Variants in LRRC37A2 observed in about 807,000 individuals in gnomAD.
The protein encoded by LRRC37A2 is leucine rich repeat containing 37 member A2.
A neutral mutation model predicts 68.8 loss-of-function variants in LRRC37A2; 9 were observed. That is an observed-to-expected ratio of 0.13 (90% CI 0.08 to 0.23). The LOEUF is 0.23. LRRC37A2 is among the 10% of genes least tolerant of loss of function. LRRC37A2 has a pLI of 1.00. For synonymous variants in LRRC37A2, 63 were observed against 367.6 expected (o/e 0.17, Z 9.48); for missense variants, 168 against 950.4 (o/e 0.18, Z 10.82).
chr17:46,919,616 C>T, the LRRC37A2 span, among the ~76,000 whole-genome samples: 1 of 152,130 alleles, frequency 6.6e-6, no homozygotes, highest in Non-Finnish European at 1.5e-5. Flanking sequence ...CAACTACCCG[C>T]AGAATAAAAA....
chr17:46,834,540 C>T, the LRRC37A2 span, among the ~76,000 whole-genome samples: 1 of 152,142 alleles, frequency 6.6e-6, no homozygotes, highest in Non-Finnish European at 1.5e-5. Context: ...GCTGGCTTGC[C>T]CCTGATTTCA....
the LRRC37A2 span, among the ~76,000 whole-genome samples, chr17:46,867,242 C>G: frequency 6.6e-6 from 1 of 152,228 alleles, no homozygotes; most frequent in Non-Finnish European, 1.5e-5. Flanking sequence ...ATGGTAGATG[C>G]TCACTAATGA....
the LRRC37A2 span, among the ~76,000 whole-genome samples, chr17:46,676,492 A>G: frequency 6.9e-6 from 1 of 145,542 alleles, no homozygotes; most frequent in Admixed American, 6.9e-5. Flanking sequence ...TTGGCCTCCC[A>G]AAGTGCTGAG....
the LRRC37A2 span, among the ~76,000 whole-genome samples, chr17:46,850,396 G>A: frequency 1.3e-5 from 2 of 152,090 alleles, no homozygotes; most frequent in Non-Finnish European, 2.9e-5. Context: ...AAGAGGTGGG[G>A]GCTTCCTCTG....
the LRRC37A2 span, chr17:46,939,204 C>G: frequency 1.2e-5 from 13 of 1,079,638 alleles, no homozygotes; most frequent in Admixed American, 4.5e-5. Context: ...GAGGCCTTTT[C>G]TCACAGCCAT....
At chr17:46,951,783 G>T in the LRRC37A2 span, among the ~76,000 whole-genome samples, 10 of 152,210 alleles carry the variant, frequency 6.6e-5, no homozygotes, top group Non-Finnish European at 1.3e-4. Context: ...AGGAAAAATG[G>T]CCCAGGGTGG....
At chr17:46,780,684 G>A in the LRRC37A2 span, among the ~76,000 whole-genome samples, 3 of 152,208 alleles carry the variant, frequency 2.0e-5, no homozygotes, top group Non-Finnish European at 4.4e-5. Context: ...GGCTGAGGCA[G>A]GAGAATGGCA....
chr17:46,389,370 A>G, the LRRC37A2 span, among the ~76,000 whole-genome samples: 1 of 72,088 alleles, frequency 1.4e-5, no homozygotes, highest in Non-Finnish European at 2.7e-5. Context: ...TAAACTAACT[A>G]TATTAGCATC....
the LRRC37A2 span, among the ~76,000 whole-genome samples, chr17:46,731,908 C>G: frequency 6.6e-6 from 1 of 152,170 alleles, no homozygotes; most frequent in Non-Finnish European, 1.5e-5. Context: ...GTCATACCAC[C>G]TTGCTTTTTA....
the LRRC37A2 span, among the ~76,000 whole-genome samples, chr17:46,971,131 A>G: frequency 6.6e-6 from 1 of 152,024 alleles, no homozygotes; most frequent in Non-Finnish European, 1.5e-5. Flanking sequence ...TGAGGTCAGG[A>G]GTTTGAGACC....
At chr17:46,794,570 C>A in the LRRC37A2 span, among the ~76,000 whole-genome samples, 1 of 152,206 alleles carries the variant, frequency 6.6e-6, no homozygotes, top group South Asian at 2.1e-4. Context: ...ACACACTGTA[C>A]CACCGTGGAG....
chr17:46,795,003 G>A, the LRRC37A2 span, among the ~76,000 whole-genome samples: 1 of 151,918 alleles, frequency 6.6e-6, no homozygotes, highest in African/African-American at 2.4e-5. Flanking sequence ...TGCCCGCCTC[G>A]GCCTCCCAAA....
At chr17:46,793,921 C>G in the LRRC37A2 span, among the ~76,000 whole-genome samples, 4 of 152,184 alleles carry the variant, frequency 2.6e-5, no homozygotes, top group Admixed American at 2.6e-4. Flanking sequence ...GCCACTCTGT[C>G]CAGACCCCAC....
chr17:46,541,686 A>C (rs2055349590), intron 8 of LRRC37A2, among the ~76,000 whole-genome samples: 1 of 151,096 alleles, frequency 6.6e-6, no homozygotes, highest in South Asian at 2.1e-4. Context: ...TTTGGAAAAA[A>C]TAAAATATAT....
the LRRC37A2 span, among the ~76,000 whole-genome samples, chr17:46,500,589 A>G: frequency 6.6e-6 from 1 of 150,762 alleles, no homozygotes; most frequent in Non-Finnish European, 1.5e-5. Flanking sequence ...ATTGTGAGAA[A>G]CTGCAGATCC....
At chr17:46,817,547 G>C in the LRRC37A2 span, among the ~76,000 whole-genome samples, 1 of 152,118 alleles carries the variant, frequency 6.6e-6, no homozygotes, top group Non-Finnish European at 1.5e-5. Flanking sequence ...AGCGGCGATG[G>C]GGCCGCTCGG....
the LRRC37A2 span, chr17:46,769,738 G>A: frequency 6.2e-7 from 1 of 1,601,132 alleles, no homozygotes; most frequent in Non-Finnish European, 8.5e-7. Flanking sequence ...GAGGGGAAGC[G>A]GGGGGCTGCT....
At chr17:46,807,881 A>G in the LRRC37A2 span, among the ~76,000 whole-genome samples, 2 of 152,228 alleles carry the variant, frequency 1.3e-5, no homozygotes, top group Non-Finnish European at 2.9e-5. Context: ...AGCATGCTTT[A>G]TCAGAAAGGA....
chr17:46,928,486 C>T, the LRRC37A2 span, among the ~76,000 whole-genome samples: 2 of 152,100 alleles, frequency 1.3e-5, no homozygotes, highest in Non-Finnish European at 2.9e-5. Flanking sequence ...GTGGGGCCAG[C>T]ATAAGCAGTA....
Sources: allele counts gnomAD v4.1 joint callset (sites outside exome capture counted in the v4.1 genomes callset), GRCh38; gene constraint gnomAD v4.1.1; transcripts MANE v1.5; gene names NCBI Gene and HGNC (gene_info 2026-07-23, HGNC 2026-07-21).